The following SSBP3 variants were observed in gnomAD, a reference collection of about 807,000 sequenced individuals.
SSBP3 encodes single stranded DNA binding protein 3, also known as single-stranded DNA-binding protein 3.
SSBP3 carries 5 observed loss-of-function variants against 69.6 expected under a neutral mutation model. That is an observed-to-expected ratio of 0.07 (90% CI 0.04 to 0.15). The LOEUF (loss-of-function observed/expected upper bound fraction) is 0.15. Ranked by LOEUF, SSBP3 falls within the 10% of genes least tolerant of loss-of-function variation. The pLI is 1.00. For synonymous variants in SSBP3, 196 were observed against 193.4 expected, an observed-to-expected ratio of 1.01 and a Z score of -0.11; for missense variants, 312 against 534.0, an observed-to-expected ratio of 0.58 and a Z score of 4.10.
intron 4 of SSBP3, among the ~76,000 whole-genome samples, chr1:54,361,366 C>T (rs1374713236): frequency 6.6e-6 from 1 of 152,036 alleles, no homozygotes; most frequent in East Asian, 1.9e-4. Context: ...GTTTTTTGCT[C>T]CCTTCTCAGG....
chr1:54,337,570 T>C (rs1646532773), intron 4 of SSBP3, among the ~76,000 whole-genome samples: 1 of 130,288 alleles, frequency 7.7e-6, no homozygotes, highest in African/African-American at 2.9e-5. Flanking sequence ...CCATCTCCGC[T>C]CACTGCAACC....
Position 54,279,197 on chromosome 1 carries a change from G to A in SSBP3, c.366+2241C>T, listed in dbSNP as rs74847620. On this transcript the variant is annotated intron_variant, in intron 5 of 17. Transcript: ENST00000610401. ...CTGGATGACCACGTCAGCTCTTGAT[G>A]GCTCGCCGTGCCTGGGAAAACAGAG... Among the ~76,000 whole-genome samples the A allele has an allele frequency of 4.3e-3, 658 of 152,312 alleles. 1 individual carries two copies. Among genetic ancestry groups the A allele is most frequent in the Non-Finnish European group, 7.1e-3 (486 of 68,032 alleles).
intron 4 of SSBP3, among the ~76,000 whole-genome samples, chr1:54,365,258 C>G (rs1261637138): frequency 6.6e-6 from 1 of 152,188 alleles, no homozygotes; most frequent in African/African-American, 2.4e-5. Flanking sequence ...GCATCACACA[C>G]AATGTCGAAA....
chr1:54,240,113 CGCGCGCGCA>C (rs1557449148), intron 13 of SSBP3, among the ~76,000 whole-genome samples: 23 of 3,728 alleles, frequency 6.2e-3, no homozygotes, highest in Non-Finnish European at 0.011. Flanking sequence ...TGCGTGCGCG[CGCGCGCGCA>C]ACACATGCCC....
intron 7 of SSBP3, among the ~76,000 whole-genome samples, chr1:54,254,885 T>A (rs942664107): frequency 6.6e-6 from 1 of 152,012 alleles, no homozygotes; most frequent in Non-Finnish European, 1.5e-5. Flanking sequence ...CAAGCTGGAG[T>A]GCAATGGCGC....
chr1:54,268,459 T>G (rs1336961670), intron 5 of SSBP3, among the ~76,000 whole-genome samples: 1 of 152,228 alleles, frequency 6.6e-6, no homozygotes, highest in Non-Finnish European at 1.5e-5. Context: ...ACAGCCTTCC[T>G]GCCCTGCCCC....
upstream of SSBP3, among the ~76,000 whole-genome samples, chr1:54,406,876 C>A (rs1444085135): frequency 6.6e-6 from 1 of 151,664 alleles, no homozygotes; most frequent in Non-Finnish European, 1.5e-5. Flanking sequence ...CCAGCCCAGC[C>A]CTTATCTCGC....
chr1:54,407,393 C>A (rs1649853750), upstream of SSBP3, among the ~76,000 whole-genome samples: 1 of 148,450 alleles, frequency 6.7e-6, no homozygotes, highest in South Asian at 2.1e-4. Flanking sequence ...GAGAGTCAGG[C>A]GTAGGGGGAG....
intron 4 of SSBP3, among the ~76,000 whole-genome samples, chr1:54,302,221 C>G (rs1322810418): frequency 6.6e-6 from 1 of 152,238 alleles, no homozygotes; most frequent in Non-Finnish European, 1.5e-5. Context: ...ACTGTAGCAC[C>G]TACCCCCTGC....
chr1:54,353,204 T>C (rs1342689719), intron 4 of SSBP3, among the ~76,000 whole-genome samples: 2 of 152,210 alleles, frequency 1.3e-5, no homozygotes, highest in Non-Finnish European at 2.9e-5. Flanking sequence ...AAGTTTGTTT[T>C]ATTTATTTTG....
intron 4 of SSBP3, among the ~76,000 whole-genome samples, chr1:54,282,074 A>AAT (rs1553130865): frequency 5.0e-4 from 62 of 125,034 alleles, no homozygotes; most frequent in African/African-American, 8.4e-4. Flanking sequence ...ATAATAATAA[A>AAT]AAAATGGGGG....
chr1:54,286,522 G>C (rs1645492970), intron 4 of SSBP3: 1 of 152,244 alleles, frequency 6.6e-6, no homozygotes, highest in South Asian at 2.1e-4. Context: ...AGGGTTTCTT[G>C]ATGATCCCAG....
chr1:54,407,428 C>A (rs1649855359), upstream of SSBP3, among the ~76,000 whole-genome samples: 1 of 151,254 alleles, frequency 6.6e-6, no homozygotes, highest in African/African-American at 2.4e-5. Flanking sequence ...GTCAGTGACC[C>A]AGGTGTACAA....
At chr1:54,262,533 A>T (rs1645034218) in intron 5 of SSBP3, among the ~76,000 whole-genome samples, 1 of 152,226 alleles carries the variant, frequency 6.6e-6, no homozygotes, top group Non-Finnish European at 1.5e-5. Context: ...CTGGAGGCAC[A>T]TCAGACTTGT....
At chr1:54,242,192 G>A (rs1324998734) in exon 11 of SSBP3, 3 of 1,613,598 alleles carry the variant, frequency 1.9e-6, no homozygotes, top group Non-Finnish European at 2.5e-6. Context: ...ATTGGGCCAG[G>A]GTCTGCCAGC....
At chr1:54,294,162 AGAAAGAAAGAAAGAAAG>A (rs1433438476) in intron 4 of SSBP3, among the ~76,000 whole-genome samples, 1 of 75,470 alleles carries the variant, frequency 1.3e-5, no homozygotes, top group Non-Finnish European at 2.4e-5. Flanking sequence ...AAAAAAAAAA[AGAAAGAAAGAAAGAAAG>A]AAAGAAAGAA....
At chr1:54,341,849 C>G (rs1207269618) in intron 4 of SSBP3, among the ~76,000 whole-genome samples, 3 of 151,902 alleles carry the variant, frequency 2.0e-5, no homozygotes, top group Non-Finnish European at 4.4e-5. Flanking sequence ...ACCTGGAGAG[C>G]AGGGAGAGAG....
intron 14 of SSBP3, among the ~76,000 whole-genome samples, chr1:54,229,980 G>C (rs554015284): frequency 2.0e-5 from 3 of 152,254 alleles, no homozygotes; most frequent in African/African-American, 7.2e-5. Flanking sequence ...AGGAGGAAGA[G>C]AGCATCAACA....
rs993512218 is a variant in SSBP3 at position 54,258,578 on chromosome 1, AAGGGCCCT to A, written c.367-437_367-430del. ...GCACGGGAGGTGGGGAAAGATCGGG[AAGGGCCCT>A]GCCCTCAAGGAGCTCACAGTCTGGG... On this transcript the variant is annotated intron_variant, in intron 5 of 17. Coordinates refer to ENST00000610401, the Ensembl canonical transcript of SSBP3. The surrounding 1 kb of genome is among the most constrained non-coding windows in gnomAD (Gnocchi z 4.5). Among the ~76,000 whole-genome samples the A allele has an allele frequency of 6.6e-6, 1 of 152,152 alleles. No individual in the cohort carries two copies. The highest frequency in any genetic ancestry group is 2.4e-5 in the African/African-American group (1 of 41,430).
Sources: allele counts gnomAD v4.1 joint callset (sites outside exome capture counted in the v4.1 genomes callset), GRCh38; gene constraint gnomAD v4.1.1; non-coding constraint Gnocchi (gnomAD v3.1); transcripts MANE v1.5; gene names NCBI Gene and HGNC (gene_info 2026-07-23, HGNC 2026-07-21).